Variants in PFKFB2 observed in about 807,000 individuals in gnomAD.
PFKFB2 encodes the protein 6-phosphofructo-2-kinase/fructose-2,6-bisphosphatase 2.
In PFKFB2, 53 loss-of-function variants were observed where a neutral mutation model predicts 68.0. That is an observed-to-expected ratio of 0.78 (90% CI 0.63 to 0.98). The LOEUF (loss-of-function observed/expected upper bound fraction) is 0.98. Ranked by LOEUF, PFKFB2 falls within the 50% of genes least tolerant of loss-of-function variation. The probability of loss-of-function intolerance (pLI) is 0.00; values close to 1 mark genes in which losing one functional copy is unlikely to be tolerated. For missense variants in PFKFB2, 451 were observed against 642.0 expected, an observed-to-expected ratio of 0.70 and a Z score of 3.22; for synonymous variants, 222 against 227.6, an observed-to-expected ratio of 0.98 and a Z score of 0.22.
At chr1:207,038,453 C>T (rs185430541) in intron 1 of PFKFB2, among the ~76,000 whole-genome samples, 1 of 152,220 alleles carries the variant, frequency 6.6e-6, no homozygotes, top group Non-Finnish European at 1.5e-5. Context: ...GTCCCCTTCT[C>T]CTGTTTATCA....
intron 1 of PFKFB2, among the ~76,000 whole-genome samples, chr1:207,040,147 G>C (rs1247813965): frequency 2.0e-5 from 3 of 152,164 alleles, no homozygotes; most frequent in African/African-American, 7.2e-5. Flanking sequence ...CAGTGAGATA[G>C]GTAAGGGTTA....
intron 1 of PFKFB2, among the ~76,000 whole-genome samples, chr1:207,036,965 A>G (rs550595930): frequency 3.3e-5 from 5 of 152,156 alleles, no homozygotes; most frequent in Non-Finnish European, 5.9e-5. Context: ...TTACCCCACT[A>G]TCTCTTTGTC....
chr1:207,055,032 C>G, intron 2 of PFKFB2: 1 of 460,138 alleles, frequency 2.2e-6, no homozygotes, highest in Non-Finnish European at 3.9e-6. Context: ...TTACTGCTTT[C>G]TTAAACTGAA....
intron 1 of PFKFB2, among the ~76,000 whole-genome samples, chr1:207,039,623 T>G (rs1682441344): frequency 6.6e-6 from 1 of 152,220 alleles, no homozygotes; most frequent in Admixed American, 6.5e-5. Context: ...ATACCTGATA[T>G]TTCCAAGATT....
chr1:207,065,865 G>T (rs371079765), intron 8 of PFKFB2, among the ~76,000 whole-genome samples: 84 of 152,278 alleles, frequency 5.5e-4, no homozygotes, highest in African/African-American at 1.9e-3. Flanking sequence ...ACATGTCAGA[G>T]GTTCCCCGGG....
chr1:207,048,700 A>C, upstream of PFKFB2: 1 of 253,458 alleles, frequency 3.9e-6, no homozygotes, highest in Non-Finnish European at 7.6e-6. Flanking sequence ...TTTCTTCTAC[A>C]AGTTAAAGCT....
upstream of PFKFB2, chr1:207,048,592 C>T (rs1262834566): frequency 6.2e-6 from 1 of 160,266 alleles, no homozygotes; most frequent in East Asian, 1.9e-4. Flanking sequence ...CTTTCTTCTA[C>T]AAGTTAAAGC....
Position 207,061,754 on chromosome 1 carries a change from C to T in PFKFB2, c.86-199C>T, listed in dbSNP as rs193234530. On this transcript the variant is annotated intron_variant, in intron 2 of 14. Transcript: ENST00000367080. ...AAAATTAGCTGGGCATGGTGGAGGG[C>T]GCCTGTAGTCCCAGGTATTCGGAAG... Among the ~76,000 whole-genome samples the T allele has an allele frequency of 5.9e-5, 9 of 152,080 alleles. No homozygotes were observed. In the East Asian group the frequency reaches 9.7e-4, roughly 16 times the overall value.
chr1:207,049,667 T>C, upstream of PFKFB2: 1 of 1,614,178 alleles, frequency 6.2e-7, no homozygotes, highest in Non-Finnish European at 8.5e-7. Flanking sequence ...CCACGTTTAG[T>C]AAATGCAGGT....
upstream of PFKFB2, chr1:207,049,649 T>C: frequency 6.2e-7 from 1 of 1,614,194 alleles, no homozygotes; most frequent in Non-Finnish European, 8.5e-7. Flanking sequence ...CTGACGTAAC[T>C]AGAAGCACCA....
At chr1:207,036,101 G>A (rs1343405160) in intron 1 of PFKFB2, among the ~76,000 whole-genome samples, 5 of 152,106 alleles carry the variant, frequency 3.3e-5, no homozygotes, top group African/African-American at 1.2e-4. Context: ...AGACATTCAT[G>A]AGGGATCTGC....
chr1:207,036,821 C>T (rs1682386658), intron 1 of PFKFB2, among the ~76,000 whole-genome samples: 1 of 152,208 alleles, frequency 6.6e-6, no homozygotes, highest in African/African-American at 2.4e-5. Context: ...TTTGACCTTT[C>T]TCCTAAAATA....
upstream of PFKFB2, chr1:207,048,898 A>T: frequency 2.2e-6 from 2 of 908,046 alleles, no homozygotes; most frequent in Non-Finnish European, 3.4e-6. Context: ...TAGTGGTTTT[A>T]AGTTAAAAGG....
Position 207,077,069 on chromosome 1 carries a change from T to A in PFKFB2, c.*4698T>A. 1 of 985,168 alleles carries A rather than the reference T, an allele frequency of 1.0e-6. No homozygotes were observed. Among genetic ancestry groups the A allele is most frequent in the Non-Finnish European group, 1.2e-6 (1 of 829,670 alleles). 61.0% of individuals were successfully genotyped at this position (985,168 alleles called of 1,614,324 possible). On this transcript the variant is annotated 3_prime_UTR_variant, in exon 15 of 15. Transcript: ENST00000367080. ...AGATAAAGGTTATGCATCACTTTTA[T>A]GGTATTTTGTGAACTCAGCTAAGGG... is the stretch of plus-strand genomic sequence containing the variant.
chr1:207,051,629 G>A (rs764136276), upstream of PFKFB2, among the ~76,000 whole-genome samples: 179 of 152,294 alleles, frequency 1.2e-3, no homozygotes, highest in Middle Eastern at 6.8e-3. Context: ...GGCAGTGTAA[G>A]GAGGAGTCGT....
chr1:207,079,156 A>G, downstream of PFKFB2: 2 of 731,228 alleles, frequency 2.7e-6, no homozygotes, highest in Middle Eastern at 3.2e-4. Flanking sequence ...AGGCCTGGAG[A>G]AACGTCACCA....
chr1:207,058,642 C>A (rs1443036138), intron 2 of PFKFB2, among the ~76,000 whole-genome samples: 1 of 151,692 alleles, frequency 6.6e-6, no homozygotes, highest in African/African-American at 2.4e-5. Flanking sequence ...ATTTTGAGAC[C>A]GGGTTATGAG....
chr1:207,054,747 C>A lies in PFKFB2; in HGVS notation c.30C>A (p.Asn10Lys). 2 of 1,613,834 alleles carry A rather than the reference C, an allele frequency of 1.2e-6. No homozygotes were observed. Among genetic ancestry groups the A allele is most frequent in the Non-Finnish European group, 1.7e-6 (2 of 1,179,818 alleles). The change falls in exon 2 of 15, where the codon AAC becomes AAA. Residue 10 changes from asparagine to lysine, a missense_variant. Coordinates refer to ENST00000367080, the MANE Select transcript of PFKFB2 (RefSeq NM_006212.2). MSGASSSEQNNNSYETKTPN... is the reference protein window; with the variant it reads MSGASSSEQKNNSYETKTPN... ...CTGGGGCATCTTCCTCAGAACAGAA[C>A]AACAACAGCTATGAAACCAAAACCC...
At chr1:207,037,149 G>T (rs913221494) in intron 1 of PFKFB2, among the ~76,000 whole-genome samples, 3 of 152,146 alleles carry the variant, frequency 2.0e-5, no homozygotes, top group Non-Finnish European at 4.4e-5. Flanking sequence ...GGTCATCAAT[G>T]AACTCCAGTT....
Sources: gnomAD v4.1 joint callset for allele counts (sites outside exome capture counted in the v4.1 genomes callset) on GRCh38, gnomAD v4.1.1 for gene constraint, MANE v1.5 for transcripts, NCBI Gene and HGNC (gene_info 2026-07-23, HGNC 2026-07-21) for gene names.